Variants in DSCAM observed in about 807,000 individuals in gnomAD.
DSCAM encodes the protein cell adhesion molecule DSCAM.
Under a neutral mutation model 217.7 loss-of-function variants are expected in DSCAM, and 47 were observed. That is an observed-to-expected ratio of 0.22 (90% CI 0.17 to 0.28). The LOEUF is 0.28. DSCAM is among the 10% of genes least tolerant of loss of function. The pLI is 1.00. For synonymous variants in DSCAM, 1,056 were observed against 1,015.3 expected, an observed-to-expected ratio of 1.04 and a Z score of -0.76; for missense variants, 2,080 against 2,618.3, an observed-to-expected ratio of 0.79 and a Z score of 4.49.
At chr21:40,699,505 T>C (rs531605982) in intron 2 of DSCAM, among the ~76,000 whole-genome samples, 1 of 152,344 alleles carries the variant, frequency 6.6e-6, no homozygotes, top group African/African-American at 2.4e-5. Context: ...CTTTTGTGCA[T>C]TTAGCCGAGT....
chr21:40,189,378 C>T (rs991466954), intron 11 of DSCAM, 140 bp from the exon 12 acceptor site: 10 of 775,804 alleles, frequency 1.3e-5, no homozygotes, highest in East Asian at 8.9e-5. Flanking sequence ...ATGAGAATCT[C>T]GAGCAAAATA....
chr21:40,640,265 G>A (rs1213204298), intron 3 of DSCAM, among the ~76,000 whole-genome samples: 2 of 149,572 alleles, frequency 1.3e-5, no homozygotes, highest in Non-Finnish European at 2.9e-5. Context: ...AGATGCTGCA[G>A]CTTGCTCCAT....
At chr21:40,628,187 G>A (rs1049026632) in intron 3 of DSCAM, among the ~76,000 whole-genome samples, 1 of 152,126 alleles carries the variant, frequency 6.6e-6, no homozygotes, top group African/African-American at 2.4e-5. Flanking sequence ...TCCATACTTC[G>A]ATAGCTTAAC....
chr21:40,274,882 G>A (rs946548756), intron 11 of DSCAM, among the ~76,000 whole-genome samples: 8 of 152,120 alleles, frequency 5.3e-5, no homozygotes, highest in Non-Finnish European at 1.0e-4. Flanking sequence ...AGTTAGGATG[G>A]ATACTTGTCT....
chr21:40,456,363 C>G (rs1326860260), intron 3 of DSCAM, among the ~76,000 whole-genome samples: 1 of 151,764 alleles, frequency 6.6e-6, no homozygotes, highest in Non-Finnish European at 1.5e-5. Context: ...CTCACAGTAA[C>G]AGTCTACTTA....
intron 1 of DSCAM, among the ~76,000 whole-genome samples, chr21:40,806,493 T>G (rs1439541558): frequency 6.6e-6 from 1 of 152,210 alleles, no homozygotes; most frequent in Non-Finnish European, 1.5e-5. Flanking sequence ...TGAATGACCT[T>G]GGGTAAAAAG....
At chr21:40,337,288 G>T (rs1461108818) in intron 8 of DSCAM, among the ~76,000 whole-genome samples, 1 of 152,128 alleles carries the variant, frequency 6.6e-6, no homozygotes, top group Non-Finnish European at 1.5e-5. Flanking sequence ...GTGGCTAGAA[G>T]CAACACCCAC....
intron 9 of DSCAM, among the ~76,000 whole-genome samples, chr21:40,297,083 G>A (rs1305376325): frequency 6.6e-6 from 1 of 152,086 alleles, no homozygotes; most frequent in African/African-American, 2.4e-5. Context: ...CAGCACCACG[G>A]TGGGCCAAAG....
intron 3 of DSCAM, among the ~76,000 whole-genome samples, chr21:40,548,509 A>ATATAT (rs557090214): frequency 1.0e-3 from 58 of 58,108 alleles, no homozygotes; most frequent in East Asian, 9.2e-3. Context: ...CCAGTAAAAA[A>ATATAT]AAAAATATAT....
intron 1 of DSCAM, among the ~76,000 whole-genome samples, chr21:40,817,517 G>T (rs1022870381): frequency 1.3e-5 from 2 of 152,288 alleles, no homozygotes; most frequent in South Asian, 2.1e-4. Context: ...AGAGCGCCCT[G>T]TTTGTCCATT....
At chr21:40,700,637 G>A (rs1255806699) in intron 2 of DSCAM, among the ~76,000 whole-genome samples, 1 of 151,672 alleles carries the variant, frequency 6.6e-6, no homozygotes, top group Non-Finnish European at 1.5e-5. Context: ...TCTTGTTTAT[G>A]TATTAGGGTA....
chr21:40,703,502 G>A (rs1882784), intron 2 of DSCAM, among the ~76,000 whole-genome samples: 1 of 152,102 alleles, frequency 6.6e-6, no homozygotes, highest in African/African-American at 2.4e-5. Context: ...CTGGTTGACA[G>A]AGCAAGGCCC....
At chr21:40,775,865 C>T (rs1212437202) in intron 1 of DSCAM, among the ~76,000 whole-genome samples, 2 of 152,142 alleles carry the variant, frequency 1.3e-5, no homozygotes, top group African/African-American at 4.8e-5. Context: ...AATGCGGTGG[C>T]GAACCTTTGC....
chr21:40,147,438 T>C (rs2090370328), intron 16 of DSCAM, among the ~76,000 whole-genome samples: 1 of 152,240 alleles, frequency 6.6e-6, no homozygotes, highest in Non-Finnish European at 1.5e-5. Context: ...GGTGTTTTTG[T>C]TCTGTTCCAT....
At chr21:40,248,968 A>G (rs2146956756) in intron 11 of DSCAM, among the ~76,000 whole-genome samples, 1 of 152,254 alleles carries the variant, frequency 6.6e-6, no homozygotes. Flanking sequence ...TGATAAACCC[A>G]TCAGATCTCA....
intron 3 of DSCAM, among the ~76,000 whole-genome samples, chr21:40,370,710 T>G (rs73355380): frequency 0.096 from 14,558 of 151,996 alleles, 1,022 homozygotes; most frequent in Admixed American, 0.23. Context: ...AGCCATCACC[T>G]CCTGAGCTCA....
At chr21:40,481,305 T>C (rs2075980221) in intron 3 of DSCAM, among the ~76,000 whole-genome samples, 1 of 151,898 alleles carries the variant, frequency 6.6e-6, no homozygotes, top group East Asian at 1.9e-4. Flanking sequence ...CCGGCTAACA[T>C]GGTGAAACCC....
chr21:40,834,364 G>A (rs934364208), intron 1 of DSCAM, among the ~76,000 whole-genome samples: 37 of 150,144 alleles, frequency 2.5e-4, no homozygotes, highest in African/African-American at 7.3e-4. Flanking sequence ...CAGAGATCAC[G>A]CCACTGCACT....
chr21:40,014,863 C>A (rs1361386522), intron 32 of DSCAM, among the ~76,000 whole-genome samples: 1 of 152,314 alleles, frequency 6.6e-6, no homozygotes, highest in East Asian at 1.9e-4. Flanking sequence ...CCTCTCATTG[C>A]CAAATTCTCT....
Sources: gnomAD v4.1 joint callset for allele counts (sites outside exome capture counted in the v4.1 genomes callset) on GRCh38, gnomAD v4.1.1 for gene constraint, MANE v1.5 for transcripts, NCBI Gene and HGNC (gene_info 2026-07-23, HGNC 2026-07-21) for gene names.